SLC4A10: variants seen among roughly 807,000 people sequenced by gnomAD.
SLC4A10 encodes solute carrier family 4 member 10, also known as sodium-driven chloride bicarbonate exchanger.
Under a neutral mutation model 137.7 loss-of-function variants are expected in SLC4A10, and 42 were observed. The observed-to-expected ratio is 0.30, with a 90% CI of 0.24 to 0.39. The LOEUF is 0.39. SLC4A10 is among the 10% of genes least tolerant of loss of function. The pLI, the probability that SLC4A10 is intolerant of heterozygous loss-of-function variation, is 1.00. For missense variants in SLC4A10, 925 were observed against 1,355.0 expected (o/e 0.68, Z 4.98); for synonymous variants, 474 against 464.1 (o/e 1.02, Z -0.27).
chr2:161,960,924 A>G (rs1696596728), intron 21 of SLC4A10, among the ~76,000 whole-genome samples: 1 of 152,162 alleles, frequency 6.6e-6, no homozygotes. Context: ...GATTTAAACC[A>G]CCAAGTTGTG....
intron 21 of SLC4A10, among the ~76,000 whole-genome samples, chr2:161,960,911 A>C (rs1351041277): frequency 6.6e-6 from 1 of 152,132 alleles, no homozygotes; most frequent in Non-Finnish European, 1.5e-5. Context: ...ATATATTTCT[A>C]TTGATTTAAA....
intron 2 of SLC4A10, among the ~76,000 whole-genome samples, chr2:161,793,721 T>C (rs1255278208): frequency 6.6e-6 from 1 of 152,176 alleles, no homozygotes; most frequent in East Asian, 1.9e-4. Context: ...TACAATAAGC[T>C]TTTGTCTGGT....
At chr2:161,802,599 A>G (rs564480640) in intron 2 of SLC4A10, among the ~76,000 whole-genome samples, 12 of 152,222 alleles carry the variant, frequency 7.9e-5, no homozygotes, top group African/African-American at 2.6e-4. Context: ...TCCTTGCTGT[A>G]TTAGTTGACT....
intron 6 of SLC4A10, among the ~76,000 whole-genome samples, chr2:161,867,672 A>G (rs1347387380): frequency 6.6e-6 from 1 of 151,930 alleles, no homozygotes. Context: ...CAGGCATACT[A>G]ATTTTTCTCC....
At chr2:161,767,244 A>G (rs1442630187) in intron 1 of SLC4A10, among the ~76,000 whole-genome samples, 1 of 141,936 alleles carries the variant, frequency 7.0e-6, no homozygotes, top group Non-Finnish European at 1.5e-5. Context: ...ACATATATAT[A>G]TATATATATA....
intron 1 of SLC4A10, among the ~76,000 whole-genome samples, chr2:161,741,290 A>G (rs1364128605): frequency 1.3e-5 from 2 of 149,846 alleles, no homozygotes; most frequent in East Asian, 3.9e-4. Flanking sequence ...CCTATCCACT[A>G]CAGTCCTCCG....
At chr2:161,960,295 C>T (rs542510629) in intron 21 of SLC4A10, among the ~76,000 whole-genome samples, 82 of 135,500 alleles carry the variant, frequency 6.1e-4, no homozygotes, top group African/African-American at 2.0e-3. Context: ...ACCTGGGAGG[C>T]GGAGGTTGCA....
At chr2:161,648,554 A>G (rs1238019220) in intron 1 of SLC4A10, among the ~76,000 whole-genome samples, 1 of 152,200 alleles carries the variant, frequency 6.6e-6, no homozygotes, top group African/African-American at 2.4e-5. Context: ...CAATTCATAT[A>G]ATTTAGTTGT....
chr2:161,983,240 C>T lies in SLC4A10; in HGVS notation c.*88C>T. 1 of 1,536,304 alleles carries T rather than the reference C, an allele frequency of 6.5e-7. No individual in the cohort carries two copies. The highest frequency in any genetic ancestry group is 8.7e-7 in the Non-Finnish European group (1 of 1,146,770). On this transcript the variant is annotated 3_prime_UTR_variant, in exon 27 of 27. Transcript: ENST00000446997. ...GAAAGGTGTTGACAGGGAGACTTGT[C>T]TATGACTCGATCTTCAATTTATTTT...
chr2:161,901,496 T>TG (rs1683101540), intron 12 of SLC4A10, among the ~76,000 whole-genome samples: 1 of 152,184 alleles, frequency 6.6e-6, no homozygotes, highest in Non-Finnish European at 1.5e-5. Context: ...AGATGAAAGC[T>TG]TCAATTTATT....
At chr2:161,949,034 A>G in intron 17 of SLC4A10, 114 bp from the exon 18 acceptor site, 1 of 614,160 alleles carries the variant, frequency 1.6e-6, no homozygotes, top group Non-Finnish European at 2.8e-6. Flanking sequence ...ATAAAATATA[A>G]TATTATGATA....
intron 23 of SLC4A10, among the ~76,000 whole-genome samples, chr2:161,968,412 A>G (rs1488654315): frequency 1.3e-5 from 2 of 152,206 alleles, no homozygotes; most frequent in African/African-American, 4.8e-5. Flanking sequence ...GATTATGAAG[A>G]TAAAGATTTT....
At chr2:161,651,793 C>G (rs1376190362) in intron 1 of SLC4A10, among the ~76,000 whole-genome samples, 1 of 150,870 alleles carries the variant, frequency 6.6e-6, no homozygotes, top group Non-Finnish European at 1.5e-5. Flanking sequence ...TGCTTACACA[C>G]ACATCCCTCC....
chr2:161,914,237 T>A (rs930179709), intron 15 of SLC4A10, among the ~76,000 whole-genome samples: 1 of 152,172 alleles, frequency 6.6e-6, no homozygotes, highest in African/African-American at 2.4e-5. Flanking sequence ...CTGGAAAATA[T>A]CAAGTGAAGA....
At chr2:161,729,990 G>T (rs1429614453) in intron 1 of SLC4A10, among the ~76,000 whole-genome samples, 1 of 152,170 alleles carries the variant, frequency 6.6e-6, no homozygotes, top group African/African-American at 2.4e-5. Flanking sequence ...GGCTTCTTGG[G>T]TTACTGAATG....
intron 1 of SLC4A10, among the ~76,000 whole-genome samples, chr2:161,728,874 A>G (rs1457464769): frequency 6.6e-6 from 1 of 152,228 alleles, no homozygotes; most frequent in East Asian, 1.9e-4. Context: ...ATTAGGTTTT[A>G]TCTTGGGAAT....
Position 161,984,663 on chromosome 2 carries a change from C to T in SLC4A10, c.*1511C>T, listed in dbSNP as rs1050141200. 1.3e-4 allele frequency: 20 copies of T among 152,072 alleles called. No individual in the cohort carries two copies. Among genetic ancestry groups the T allele is most frequent in the African/African-American group, 4.6e-4 (19 of 41,434 alleles). 9.4% of individuals were successfully genotyped at this position (152,072 alleles called of 1,614,324 possible). ...TTTGAGACCTTTTAAAAATTCCCCT[C>T]ACAATTCTTTAAGGAGCCCCCCTTT... On this transcript the variant is annotated 3_prime_UTR_variant, in exon 27 of 27. Transcript: ENST00000446997.
chr2:161,758,504 A>T (rs1054275768), intron 1 of SLC4A10, among the ~76,000 whole-genome samples: 1 of 151,926 alleles, frequency 6.6e-6, no homozygotes, highest in Non-Finnish European at 1.5e-5. Context: ...TTTTACTTGT[A>T]TCAGGAAACT....
intron 1 of SLC4A10, among the ~76,000 whole-genome samples, 193 bp downstream of exon 1, chr2:161,624,759 C>G (rs141193354): frequency 7.9e-5 from 12 of 152,052 alleles, no homozygotes; most frequent in South Asian, 2.1e-4. Context: ...TCCTCCCCCC[C>G]CCTTCTCAAT....
Sources: allele counts gnomAD v4.1 joint callset (sites outside exome capture counted in the v4.1 genomes callset), GRCh38; gene constraint gnomAD v4.1.1; transcripts MANE v1.5; gene names NCBI Gene and HGNC (gene_info 2026-07-23, HGNC 2026-07-21).